Variants in OR2AP1 observed in about 807,000 individuals in gnomAD.
OR2AP1 encodes olfactory receptor family 2 subfamily AP member 1.
OR2AP1 carries 20 observed loss-of-function variants against 13.9 expected under a neutral mutation model. The observed-to-expected ratio is 1.44, with a 90% confidence interval of 1.01 to 2.09. The LOEUF (loss-of-function observed/expected upper bound fraction) is 2.09. OR2AP1 is among the 30% of genes most tolerant of loss of function. The pLI, the probability that OR2AP1 is intolerant of heterozygous loss-of-function variation, is 0.00. For missense variants in OR2AP1, 490 were observed against 360.6 expected (o/e 1.36, Z -2.91); for synonymous variants, 174 against 137.0 (o/e 1.27, Z -1.89).
In OR2AP1 at chr12:55,574,418, A is replaced by G; in HGVS notation, c.4A>G (p.Lys2Glu). The change falls in exon 2 of 2, where the codon AAA (lysine) becomes GAA (glutamate). Residue 2 changes from lysine (K) to glutamate (E), a missense_variant. Transcript: ENST00000641114. ...GAGACTCAAAATTTTTTCAACAATG[A>G]AAAATAAAACCGTGTTAACTGAGTT... M[K>E]NKTVLTEFIL... The G allele has an allele frequency of 2.0e-6, 3 of 1,498,982 alleles. No individual in the cohort carries two copies. The highest frequency in any genetic ancestry group is 2.7e-6 in the Non-Finnish European group (3 of 1,129,846). 92.9% of individuals were successfully genotyped at this position (1,498,982 alleles called of 1,614,324 possible). A position where few individuals can be genotyped will look rare whatever the true frequency, so the allele number is the denominator to read the frequency against.
chr12:55,573,861 A>G (rs1874481865), intron 1 of OR2AP1, among the ~76,000 whole-genome samples: 1 of 152,196 alleles, frequency 6.6e-6, no homozygotes. Context: ...ACTGGAAAGA[A>G]GTGGGAAGAT....
At position 55,575,382 on chromosome 12, in the gene OR2AP1, T is replaced by G; in HGVS notation, c.*38T>G. The G allele has an allele frequency of 8.0e-7, 1 of 1,253,062 alleles. No homozygotes were observed. The highest frequency in any genetic ancestry group is 1.1e-6 in the Non-Finnish European group (1 of 920,846). 77.6% of individuals were successfully genotyped at this position (1,253,062 alleles called of 1,614,324 possible). Reference sequence around the variant, plus strand: ...TTATGCATCGCGACATTATTCACAATAGCAAAGACTTGGAACCAACCCAAA... The same window carrying G: ...TTATGCATCGCGACATTATTCACAAGAGCAAAGACTTGGAACCAACCCAAA... On this transcript the variant is annotated 3_prime_UTR_variant, in exon 2 of 2. Transcript: ENST00000641114.
chr12:55,574,916 GC>G lies in OR2AP1; in HGVS notation c.503del (p.Ala168AspfsTer5). On this transcript the variant is annotated frameshift_variant, in exon 2 of 2. Transcript: ENST00000641114. LOFTEE classifies it high-confidence loss of function. ...CCTGATGAGTCAGCAGGACTTTTGTGCATCCAACAGACTGAATCATTACTTC... is the reference window on the plus strand; with the variant it reads ...CCTGATGAGTCAGCAGGACTTTTGTGATCCAACAGACTGAATCATTACTTC... Reference protein sequence around the residue: ...ITLMSQQDFCASNRLNHYFCD... With the variant: ...ITLMSQQDFCXSNRLNHYFCD... The G allele has an allele frequency of 1.3e-6, 2 of 1,539,838 alleles. No individual in the cohort carries two copies. The highest frequency in any genetic ancestry group is 1.7e-6 in the Non-Finnish European group (2 of 1,147,322).
In OR2AP1 at chr12:55,575,453, A is replaced by T; in HGVS notation, c.*109A>T. 1.6e-6 allele frequency: 1 copy of T among 612,670 alleles called. No homozygotes were observed. Among genetic ancestry groups the T allele is most frequent in the South Asian group, 2.1e-5 (1 of 48,732 alleles). The allele number at this position is 612,670 out of a possible 1,614,324, so 38.0% of individuals were successfully genotyped here. ...GATTAAGAAAATATGGCACATATACACCATGGAATACTATGCAGCCATTAA... is the reference window on the plus strand; with the variant it reads ...GATTAAGAAAATATGGCACATATACTCCATGGAATACTATGCAGCCATTAA... On this transcript the variant is annotated 3_prime_UTR_variant, in exon 2 of 2. Transcript: ENST00000641114.
At position 55,574,961 on chromosome 12, in the gene OR2AP1, C is replaced by T; in HGVS notation, c.547C>T (p.Leu183=). 1 of 1,537,584 alleles carries T rather than the reference C, an allele frequency of 6.5e-7. No homozygotes were observed. The highest frequency in any genetic ancestry group is 8.7e-7 in the Non-Finnish European group (1 of 1,146,894). The change falls in exon 2 of 2, where the codon CTG becomes TTG. Residue 183 remains leucine (L), a synonymous_variant. Coordinates refer to ENST00000641114, the MANE Select transcript of OR2AP1 (RefSeq NM_001258285.2). ...TTACTTCTGTGACTATGAGCCTCTT[C>T]TGGAACTCTCATGTTCAGACACAAG... The part of the protein sequence containing the change: ...NHYFCDYEPL[L]ELSCSDTSLI...
chr12:55,573,082 G>T (rs1250373494), intron 1 of OR2AP1, among the ~76,000 whole-genome samples: 5 of 152,100 alleles, frequency 3.3e-5, no homozygotes, highest in Non-Finnish European at 7.4e-5. Context: ...GGAGGCTGGG[G>T]TTGAAGGATC....
chr12:55,575,503 A>G lies in OR2AP1; in HGVS notation c.*159A>G. ...AAAATGATGAGTTGATGTCCTTTGT[A>G]GGGACATGGATGAAATTGGAAATCA... is the stretch of plus-strand genomic sequence containing the variant. On this transcript the variant is annotated 3_prime_UTR_variant, in exon 2 of 2. Transcript: ENST00000641114. 1 of 518,440 alleles carries G rather than the reference A, an allele frequency of 1.9e-6. No individual in the cohort carries two copies. Among genetic ancestry groups the G allele is most frequent in the Non-Finnish European group, 3.4e-6 (1 of 290,798 alleles). The allele number at this position is 518,440 out of a possible 1,614,324, so 32.1% of individuals were successfully genotyped here. A position where few individuals can be genotyped will look rare whatever the true frequency, so the allele number is the denominator to read the frequency against.
At position 55,572,582 on chromosome 12, in the gene OR2AP1, G is replaced by C. The variant is rs564889743; in HGVS notation, c.-236G>C. The C allele has an allele frequency of 6.6e-6, 1 of 152,134 alleles. No homozygotes were observed. Among genetic ancestry groups the C allele is most frequent in the African/African-American group, 2.4e-5 (1 of 41,498 alleles). The allele number at this position is 152,134 out of a possible 1,614,324, so 9.4% of individuals were successfully genotyped here. On this transcript the variant is annotated 5_prime_UTR_variant, in exon 1 of 2. Coordinates refer to ENST00000641114, the MANE Select transcript of OR2AP1 (RefSeq NM_001258285.2). ...CTCTGGAGTTGTAAAGACTGAAACT[G>C]ATGCAGATGTGAATATTCAACCACT...
At chr12:55,574,121 C>A in intron 1 of OR2AP1, 99 bp from the exon 2 acceptor site, 1 of 266,468 alleles carries the variant, frequency 3.8e-6, no homozygotes, top group Admixed American at 4.9e-5. Flanking sequence ...ACTTATTTCA[C>A]AATGTTTTGA....
At position 55,575,420 on chromosome 12, in the gene OR2AP1, A is replaced by G; in HGVS notation, c.*76A>G. 1 of 754,346 alleles carries G rather than the reference A, an allele frequency of 1.3e-6. No individual in the cohort carries two copies. The highest frequency in any genetic ancestry group is 2.1e-6 in the Non-Finnish European group (1 of 476,794). 46.7% of individuals were successfully genotyped at this position (754,346 alleles called of 1,614,324 possible). On this transcript the variant is annotated 3_prime_UTR_variant, in exon 2 of 2. Transcript: ENST00000641114. ...GAACCAACCCAAATGTCCAACAATG[A>G]TAGACTGGATTAAGAAAATATGGCA...
At position 55,575,195 on chromosome 12, in the gene OR2AP1, T is replaced by C. The variant is rs1156379133; in HGVS notation, c.781T>C (p.Ser261Pro). The C allele has an allele frequency of 2.5e-6, 4 of 1,596,504 alleles. No individual in the cohort carries two copies. Among genetic ancestry groups the C allele is most frequent in the Admixed American group, 1.7e-5 (1 of 59,246 alleles). ...CTGCATGTTTATGTACATTAATCCC[T>C]CTGCAAAAGAAGGGGATACATTCAA... ...GSCMFMYINP[S>P]AKEGDTFNKG... Residue 261 changes from serine (S) to proline (P), a missense_variant, in exon 2 of 2, where the codon TCT (serine) becomes CCT (proline). Physicochemically the swap from Ser to Pro is moderately conservative, Grantham distance 74. Coordinates refer to ENST00000641114, the MANE Select transcript of OR2AP1 (RefSeq NM_001258285.2).
At position 55,574,589 on chromosome 12, in the gene OR2AP1, T is replaced by C. The variant is rs756052379; in HGVS notation, c.175T>C (p.Phe59Leu). ...CTCCCACCTTCAGACTCCCATGTAT[T>C]TCTTTCTCCGGAACTTCTCCTTCTT... ...LDSHLQTPMY[F>L]FLRNFSFLEI... Residue 59 changes from phenylalanine (F) to leucine (L), a missense_variant, in exon 2 of 2, where the codon TTC becomes CTC. Phe to Leu is a conservative substitution (Grantham distance 22, BLOSUM62 0). Coordinates refer to ENST00000641114, the MANE Select transcript of OR2AP1 (RefSeq NM_001258285.2). The C allele has an allele frequency of 1.2e-5, 18 of 1,540,474 alleles. No homozygotes were observed. Among genetic ancestry groups the C allele is most frequent in the African/African-American group, 2.7e-5 (2 of 73,072 alleles).
At chr12:55,572,927 C>T (rs905948945) in intron 1 of OR2AP1, among the ~76,000 whole-genome samples, 9 of 152,242 alleles carry the variant, frequency 5.9e-5, no homozygotes, top group South Asian at 2.1e-4. Flanking sequence ...AATCTCAGCA[C>T]TTTGGGAGGC....
Position 55,575,447 on chromosome 12 carries a change from A to G in OR2AP1, c.*103A>G, listed in dbSNP as rs1195378472. 2 of 632,488 alleles carry G rather than the reference A, an allele frequency of 3.2e-6. No individual in the cohort carries two copies. The highest frequency in any genetic ancestry group is 5.9e-5 in the Admixed American group (2 of 34,154). 39.2% of individuals were successfully genotyped at this position (632,488 alleles called of 1,614,324 possible). A position where few individuals can be genotyped will look rare whatever the true frequency, so the allele number is the denominator to read the frequency against. Reference sequence around the variant, plus strand: ...AGACTGGATTAAGAAAATATGGCACATATACACCATGGAATACTATGCAGC... The same window carrying G: ...AGACTGGATTAAGAAAATATGGCACGTATACACCATGGAATACTATGCAGC... On this transcript the variant is annotated 3_prime_UTR_variant, in exon 2 of 2. Coordinates refer to ENST00000641114, the MANE Select transcript of OR2AP1 (RefSeq NM_001258285.2).
In OR2AP1 at chr12:55,575,141, A is replaced by G. The variant is rs1171414969; in HGVS notation, c.727A>G (p.Met243Val). 5 of 1,601,256 alleles carry G rather than the reference A, an allele frequency of 3.1e-6. No homozygotes were observed. Among genetic ancestry groups the G allele is most frequent in the Non-Finnish European group, 2.5e-6 (3 of 1,178,254 alleles). ...TKAFSTCSSH[M>V]IVISLSYGSC... ...AGCCTTTTCCACATGTTCTTCCCAC[A>G]TGATTGTCATCTCCCTCTCTTACGG... Residue 243 changes from methionine to valine, a missense_variant, in exon 2 of 2, where the codon ATG (methionine) becomes GTG (valine). By Grantham distance (21) the Met-to-Val change is conservative. Transcript: ENST00000641114.
rs756176016 is a variant in OR2AP1, at chr12:55,574,691, G to A, written c.277G>A (p.Ala93Thr). The A allele has an allele frequency of 1.9e-6, 3 of 1,555,786 alleles. No individual in the cohort carries two copies. The South Asian group carries it at 3.5e-5, about 18-fold the overall frequency. The change falls in exon 2 of 2, where the codon GCT becomes ACT. Residue 93 changes from alanine to threonine, a missense_variant. Transcript: ENST00000641114. ...AACAGGGAACAAGAGTATCAGCTTTGCTGGCTGCTTCACTCAGTATTTCTT... is the reference window on the plus strand; with the variant it reads ...AACAGGGAACAAGAGTATCAGCTTTACTGGCTGCTTCACTCAGTATTTCTT... ...ITTGNKSISF[A>T]GCFTQYFFAM...
rs759262172 is a variant in OR2AP1, at chr12:55,574,278, G to A, written c.-137G>A. 4.9e-6 allele frequency: 3 copies of A among 613,360 alleles called. No homozygotes were observed. Among genetic ancestry groups the A allele is most frequent in the Non-Finnish European group, 8.6e-6 (3 of 349,346 alleles). The allele number at this position is 613,360 out of a possible 1,614,324, so 38.0% of individuals were successfully genotyped here. A position where few individuals can be genotyped will look rare whatever the true frequency, so the allele number is the denominator to read the frequency against. ...CAAATGGGCCACTGGTCTGGACTATGTCATCAGAGGAGAAGTTAATCATCC... is the reference window on the plus strand; with the variant it reads ...CAAATGGGCCACTGGTCTGGACTATATCATCAGAGGAGAAGTTAATCATCC... On this transcript the variant is annotated 5_prime_UTR_variant, in exon 2 of 2. The change abolishes an upstream ATG in the 5' untranslated region. Coordinates refer to ENST00000641114, the MANE Select transcript of OR2AP1 (RefSeq NM_001258285.2).
Position 55,575,509 on chromosome 12 carries a change from A to G in OR2AP1, c.*165A>G, listed in dbSNP as rs1451519279. ...ATGAGTTGATGTCCTTTGTAGGGACATGGATGAAATTGGAAATCATCATTC... is the reference window on the plus strand; with the variant it reads ...ATGAGTTGATGTCCTTTGTAGGGACGTGGATGAAATTGGAAATCATCATTC... On this transcript the variant is annotated 3_prime_UTR_variant, in exon 2 of 2. Coordinates refer to ENST00000641114, the MANE Select transcript of OR2AP1 (RefSeq NM_001258285.2). 2 of 500,228 alleles carry G rather than the reference A, an allele frequency of 4.0e-6. No individual in the cohort carries two copies. The highest frequency in any genetic ancestry group is 3.9e-5 in the African/African-American group (2 of 51,466). The allele number at this position is 500,228 out of a possible 1,614,324, so 31.0% of individuals were successfully genotyped here.
Position 55,574,366 on chromosome 12 carries a change from T to G in OR2AP1, c.-49T>G. 1.0e-6 allele frequency: 1 copy of G among 985,324 alleles called. No individual in the cohort carries two copies. The highest frequency in any genetic ancestry group is 1.5e-6 in the Non-Finnish European group (1 of 679,406). 61.0% of individuals were successfully genotyped at this position (985,324 alleles called of 1,614,324 possible). A position where few individuals can be genotyped will look rare whatever the true frequency, so the allele number is the denominator to read the frequency against. ...TCAGAGCACCTCTTCCTTTCTCACTTTTGATTACTACTCTCTTTTTCACTT... is the reference window on the plus strand; with the variant it reads ...TCAGAGCACCTCTTCCTTTCTCACTGTTGATTACTACTCTCTTTTTCACTT... On this transcript the variant is annotated 5_prime_UTR_variant, in exon 2 of 2. Coordinates refer to ENST00000641114, the MANE Select transcript of OR2AP1 (RefSeq NM_001258285.2).
Sources: gnomAD v4.1 joint callset for allele counts (sites outside exome capture counted in the v4.1 genomes callset) on GRCh38, gnomAD v4.1.1 for gene constraint, MANE v1.5 for transcripts, NCBI Gene and HGNC (gene_info 2026-07-23, HGNC 2026-07-21) for gene names.